Variants in AAAS observed in about 807,000 individuals in gnomAD.
The protein encoded by AAAS is aladin.
Under a neutral mutation model 75.6 loss-of-function variants are expected in AAAS, and 60 were observed. That is an observed-to-expected ratio of 0.79 (90% CI 0.64 to 0.98). The LOEUF (loss-of-function observed/expected upper bound fraction) is 0.98, where lower values mean the gene tolerates loss of function less well. AAAS is among the 50% of genes least tolerant of loss of function. AAAS has a pLI of 0.00. For missense variants in AAAS, 658 were observed against 686.9 expected, an observed-to-expected ratio of 0.96 and a Z score of 0.47; for synonymous variants, 271 against 265.0, an observed-to-expected ratio of 1.02 and a Z score of -0.22.
intron 7 of AAAS, among the ~76,000 whole-genome samples, chr12:53,311,236 G>A (rs1386758066): frequency 1.3e-5 from 2 of 152,010 alleles, no homozygotes; most frequent in Non-Finnish European, 2.9e-5. Context: ...GAGCCATCAC[G>A]CCTGGCCTTG....
chr12:53,319,022 T>C (rs913113464), intron 2 of AAAS, among the ~76,000 whole-genome samples: 2 of 152,066 alleles, frequency 1.3e-5, no homozygotes, highest in Middle Eastern at 3.2e-3. Context: ...AGCACATGTG[T>C]TGGAAAACAG....
rs553553413 is a variant in AAAS at position 53,321,462 on chromosome 12, A to G, written c.4T>C (p.Cys2Arg). 7 of 1,614,002 alleles carry G rather than the reference A, an allele frequency of 4.3e-6. No homozygotes were observed. The highest frequency in any genetic ancestry group is 5.9e-6 in the Non-Finnish European group (7 of 1,180,028). M[C>R]SLGLFPPPPP... ...GGAGGAGGGAACAACCCCAGAGAGC[A>G]CATCTTGCCGGTTCGCAGGACGTCT... Residue 2 changes from cysteine to arginine, a missense_variant, in exon 1 of 16, where the codon TGC (cysteine) becomes CGC (arginine). By Grantham distance (180) the Cys-to-Arg change is radical. Coordinates refer to ENST00000209873, the MANE Select transcript of AAAS (RefSeq NM_015665.6).
intron 7 of AAAS, chr12:53,309,934 A>G (rs948210020): frequency 4.3e-6 from 3 of 697,772 alleles, no homozygotes; most frequent in Non-Finnish European, 7.1e-6. Context: ...GTCAACAGAG[A>G]AGAGGTAATC....
chr12:53,315,637 G>A (rs1370949898), intron 3 of AAAS, 90 bp downstream of exon 3: 1 of 1,493,816 alleles, frequency 6.7e-7, no homozygotes, highest in Non-Finnish European at 9.2e-7. Flanking sequence ...GGCTAAAAGA[G>A]GCTGAGCCAA....
At chr12:53,318,239 T>TGTGTGTGTGTGC (rs1471229120) in intron 2 of AAAS, among the ~76,000 whole-genome samples, 1 of 130,594 alleles carries the variant, frequency 7.7e-6, no homozygotes, top group Non-Finnish European at 1.6e-5. Flanking sequence ...TGTGTGTGTG[T>TGTGTGTGTGTGC]GTGTGCGTGT....
intron 2 of AAAS, among the ~76,000 whole-genome samples, chr12:53,317,237 A>G (rs1050144488): frequency 1.3e-5 from 2 of 152,176 alleles, no homozygotes; most frequent in Non-Finnish European, 2.9e-5. Flanking sequence ...AGCCTGGTCA[A>G]GATGGTGAAA....
chr12:53,308,623 C>T, intron 11 of AAAS, 95 bp from the exon 12 acceptor site: 3 of 1,597,916 alleles, frequency 1.9e-6, no homozygotes, highest in South Asian at 1.1e-5. Context: ...CTCGAAATCT[C>T]CTAAGCTTCT....
intron 7 of AAAS, 145 bp from the exon 8 acceptor site, chr12:53,309,866 G>T: frequency 7.8e-7 from 1 of 1,280,812 alleles, no homozygotes; most frequent in Non-Finnish European, 1.1e-6. Context: ...AATAAGGATT[G>T]TGAAAGTTAA....
intron 12 of AAAS, 24 bp downstream of exon 12, chr12:53,308,411 C>T: frequency 1.9e-6 from 3 of 1,614,092 alleles, no homozygotes; most frequent in Non-Finnish European, 2.5e-6. Flanking sequence ...TTTTCACTGC[C>T]ACTCCCTCAA....
intron 15 of AAAS, 61 bp from the exon 16 acceptor site, chr12:53,307,774 G>C (rs749197881): frequency 9.9e-6 from 16 of 1,612,570 alleles, no homozygotes; most frequent in Middle Eastern, 3.3e-4. Context: ...ACCTGGCAGA[G>C]CCATACAGCA....
intron 5 of AAAS, 35 bp downstream of exon 5, chr12:53,315,059 T>C (rs773980781): frequency 5.0e-6 from 8 of 1,612,832 alleles, no homozygotes; most frequent in Middle Eastern, 3.3e-4. Flanking sequence ...GTTCAGGACT[T>C]CCTTTCCACA....
At chr12:53,318,311 C>A (rs1442302407) in intron 2 of AAAS, among the ~76,000 whole-genome samples, 1 of 151,272 alleles carries the variant, frequency 6.6e-6, no homozygotes, top group Admixed American at 6.6e-5. Flanking sequence ...GGCTGGAGTG[C>A]AGTGGTGTGA....
At chr12:53,308,878 A>G in intron 10 of AAAS, 63 bp from the exon 11 acceptor site, 2 of 1,613,136 alleles carry the variant, frequency 1.2e-6, no homozygotes, top group South Asian at 2.2e-5. Context: ...GAGGGAAAGT[A>G]GAGGTGGCCA....
intron 14 of AAAS, 37 bp from the exon 15 acceptor site, chr12:53,307,966 AG>A (rs1944317683): frequency 6.2e-7 from 1 of 1,613,314 alleles, no homozygotes; most frequent in East Asian, 2.2e-5. Flanking sequence ...GGAGGCAAGA[AG>A]GGAGCTGAAT....
intron 1 of AAAS, 112 bp downstream of exon 1, chr12:53,321,231 T>C: frequency 6.6e-7 from 1 of 1,516,388 alleles, no homozygotes; most frequent in Non-Finnish European, 8.9e-7. Context: ...GCCAAGCTGT[T>C]TCCACTCCGC....
chr12:53,315,295 C>A, intron 4 of AAAS, 40 bp downstream of exon 4: 1 of 1,609,312 alleles, frequency 6.2e-7, no homozygotes, highest in Non-Finnish European at 8.5e-7. Context: ...AGGATGGGGA[C>A]ACAGCAAATG....
At chr12:53,310,853 C>T (rs1944378700) in intron 7 of AAAS, among the ~76,000 whole-genome samples, 1 of 152,232 alleles carries the variant, frequency 6.6e-6, no homozygotes, top group Non-Finnish European at 1.5e-5. Context: ...TTTTCAGTGG[C>T]TCCATTGTAT....
chr12:53,309,675 G>A lies in AAAS; in HGVS notation c.736C>T (p.Pro246Ser), dbSNP rs747414258. 5.6e-6 allele frequency: 9 copies of A among 1,613,386 alleles called. No individual in the cohort carries two copies. The highest frequency in any genetic ancestry group is 5.0e-5 in the Admixed American group (3 of 59,924). Residue 246 changes from proline to serine, a missense_variant, in exon 8 of 16, where the codon CCT becomes TCT. Pro to Ser is a moderately conservative substitution (Grantham distance 74). Coordinates refer to ENST00000209873, the MANE Select transcript of AAAS (RefSeq NM_015665.6). ...AQVLSHPGHT[P>S]VTSLAWAPSG... ...GGGGCCCAGGCCAAGCTGGTAACAG[G>A]TGTATGCCCAGGGTGAGACAGCACT...
chr12:53,321,357 C>G lies in AAAS; in HGVS notation c.109G>C (p.Asp37His), dbSNP rs138043864. The change falls in exon 1 of 16, where the codon GAC becomes CAC. Residue 37 changes from aspartate to histidine, a missense_variant. Physicochemically the swap from Asp to His is moderately conservative, Grantham distance 81 (BLOSUM62 -1). Coordinates refer to ENST00000209873, the MANE Select transcript of AAAS (RefSeq NM_015665.6). ...GCCCTGGCCACCTGGCCCCGGAAGTCGGGGGGCGGGCTCTCATAGCTACTG... is the reference window on the plus strand; with the variant it reads ...GCCCTGGCCACCTGGCCCCGGAAGTGGGGGGGCGGGCTCTCATAGCTACTG... ...TGSSYESPPPDFRGQWINLPV... is the reference protein window; with the variant it reads ...TGSSYESPPPHFRGQWINLPV... 1 of 1,613,740 alleles carries G rather than the reference C, an allele frequency of 6.2e-7. No individual in the cohort carries two copies. Among genetic ancestry groups the G allele is most frequent in the Non-Finnish European group, 8.5e-7 (1 of 1,179,894 alleles).
Sources: allele counts gnomAD v4.1 joint callset (sites outside exome capture counted in the v4.1 genomes callset), GRCh38; gene constraint gnomAD v4.1.1; transcripts MANE v1.5; gene names NCBI Gene and HGNC (gene_info 2026-07-23, HGNC 2026-07-21).